The following SHROOM3 variants were observed in gnomAD, a reference collection of about 807,000 sequenced individuals.
SHROOM3 encodes shroom family member 3.
A neutral mutation model predicts 138.6 loss-of-function variants in SHROOM3; 47 were observed. That is an observed-to-expected ratio of 0.34 (90% CI 0.27 to 0.43). SHROOM3 has a LOEUF of 0.43. Among genes scored for constraint, SHROOM3 ranks in the 20% least tolerant of loss-of-function variants. The probability of loss-of-function intolerance (pLI) is 1.00; values close to 1 mark genes in which losing one functional copy is unlikely to be tolerated. For missense variants in SHROOM3, 2,491 were observed against 2,596.5 expected (o/e 0.96, Z 0.88); for synonymous variants, 1,062 against 1,063.3 (o/e 1.00, Z 0.02).
intron 2 of SHROOM3, among the ~76,000 whole-genome samples, chr4:76,638,220 G>T (rs1440279040): frequency 6.6e-6 from 1 of 152,162 alleles, no homozygotes; most frequent in African/African-American, 2.4e-5. Flanking sequence ...ATGTTAGATG[G>T]TTGGTTGATT....
chr4:76,584,868 T>A (rs1734120857), intron 2 of SHROOM3, among the ~76,000 whole-genome samples: 1 of 152,046 alleles, frequency 6.6e-6, no homozygotes, highest in Non-Finnish European at 1.5e-5. Flanking sequence ...GGAGGCTACT[T>A]TTGAACGAAT....
intron 2 of SHROOM3, among the ~76,000 whole-genome samples, chr4:76,631,045 T>C (rs1025148383): frequency 1.3e-5 from 2 of 152,118 alleles, no homozygotes; most frequent in African/African-American, 4.8e-5. Context: ...TTTACAGTCT[T>C]ATAGGGGTAT....
intron 1 of SHROOM3, among the ~76,000 whole-genome samples, chr4:76,440,208 C>T (rs145846509): frequency 6.6e-6 from 1 of 152,202 alleles, no homozygotes; most frequent in East Asian, 1.9e-4. Flanking sequence ...CGTGTTCACC[C>T]ATTTAATTTC....
intron 1 of SHROOM3, among the ~76,000 whole-genome samples, chr4:76,525,635 T>A (rs1052299085): frequency 6.6e-6 from 1 of 152,204 alleles, no homozygotes; most frequent in African/African-American, 2.4e-5. Context: ...TGTCTCCTCA[T>A]GTTTTTGCCC....
chr4:76,663,715 T>C (rs977147627), intron 2 of SHROOM3, among the ~76,000 whole-genome samples: 1 of 152,232 alleles, frequency 6.6e-6, no homozygotes, highest in African/African-American at 2.4e-5. Context: ...ATTGGATTAA[T>C]TTCCAATATT....
intron 2 of SHROOM3, chr4:76,586,209 G>A (rs1734149380): frequency 4.1e-6 from 4 of 979,952 alleles, no homozygotes; most frequent in African/African-American, 1.8e-5. Context: ...CATTCAAACT[G>A]CCTTTTGTGT....
chr4:76,724,007 G>A (rs1310789292), intron 3 of SHROOM3, among the ~76,000 whole-genome samples: 1 of 152,220 alleles, frequency 6.6e-6, no homozygotes, highest in East Asian at 1.9e-4. Context: ...TAGGTGATTA[G>A]TGAATACTGC....
At chr4:76,706,940 A>G (rs1211862584) in intron 2 of SHROOM3, among the ~76,000 whole-genome samples, 1 of 152,202 alleles carries the variant, frequency 6.6e-6, no homozygotes, top group Non-Finnish European at 1.5e-5. Context: ...GTCGAAATTG[A>G]AACCTGAAGG....
intron 2 of SHROOM3, among the ~76,000 whole-genome samples, chr4:76,654,547 T>C (rs1466263402): frequency 6.6e-6 from 1 of 152,084 alleles, no homozygotes; most frequent in African/African-American, 2.4e-5. Flanking sequence ...CAGGCTGCCA[T>C]GCAGAAAATG....
In SHROOM3 at chr4:76,782,314, G is replaced by C. The variant is rs1233939638; in HGVS notation, c.*3137G>C. 2.0e-5 allele frequency: 3 copies of C among 152,186 alleles called. No homozygotes were observed. Among genetic ancestry groups the C allele is most frequent in the Non-Finnish European group, 4.4e-5 (3 of 68,034 alleles). The allele number at this position is 152,186 out of a possible 1,614,324, so 9.4% of individuals were successfully genotyped here. On this transcript the variant is annotated 3_prime_UTR_variant, in exon 11 of 11. Coordinates refer to ENST00000296043, the MANE Select transcript of SHROOM3 (RefSeq NM_020859.4). ...GGTTTCCAGACTAGAAGATTAACAAGTTTGGGTCCACCCCTAAGAATCAGT... is the reference window on the plus strand; with the variant it reads ...GGTTTCCAGACTAGAAGATTAACAACTTTGGGTCCACCCCTAAGAATCAGT...
intron 2 of SHROOM3, among the ~76,000 whole-genome samples, chr4:76,629,928 G>A (rs1423219958): frequency 1.3e-5 from 2 of 152,304 alleles, no homozygotes; most frequent in East Asian, 3.9e-4. Context: ...GAATTTTGGA[G>A]TCTTCAGCCT....
chr4:76,768,443 A>T (rs1722234165), intron 9 of SHROOM3, among the ~76,000 whole-genome samples: 1 of 152,194 alleles, frequency 6.6e-6, no homozygotes, highest in South Asian at 2.1e-4. Flanking sequence ...AGAAAACTTA[A>T]ATAATTAATA....
chr4:76,719,960 T>G (rs374060845), intron 3 of SHROOM3, among the ~76,000 whole-genome samples: 6 of 152,164 alleles, frequency 3.9e-5, no homozygotes, highest in African/African-American at 1.2e-4. Context: ...GCTTCAGCTG[T>G]CAAAACCAAA....
chr4:76,611,088 A>T (rs1734751287), intron 2 of SHROOM3, among the ~76,000 whole-genome samples: 4 of 152,188 alleles, frequency 2.6e-5, no homozygotes, highest in Admixed American at 2.6e-4. Flanking sequence ...TAAATTGACC[A>T]TTTTAACCAT....
At chr4:76,774,384 G>A (rs1029750166) in intron 10 of SHROOM3, among the ~76,000 whole-genome samples, 1 of 152,088 alleles carries the variant, frequency 6.6e-6, no homozygotes, top group Non-Finnish European at 1.5e-5. Flanking sequence ...AAAACTATAA[G>A]TAGAAATGAG....
intron 1 of SHROOM3, among the ~76,000 whole-genome samples, chr4:76,521,035 G>T (rs1732553707): frequency 6.6e-6 from 1 of 152,192 alleles, no homozygotes; most frequent in Non-Finnish European, 1.5e-5. Flanking sequence ...GCTTTCCGTG[G>T]CTGCTGCTAA....
intron 2 of SHROOM3, among the ~76,000 whole-genome samples, chr4:76,570,611 T>A (rs1733816417): frequency 6.6e-6 from 1 of 152,214 alleles, no homozygotes; most frequent in Non-Finnish European, 1.5e-5. Flanking sequence ...AGACTCACCG[T>A]GTTTTCTTTC....
intron 1 of SHROOM3, among the ~76,000 whole-genome samples, chr4:76,496,515 A>G (rs1341923306): frequency 1.3e-5 from 2 of 152,200 alleles, no homozygotes; most frequent in Non-Finnish European, 2.9e-5. Context: ...TTCTGTTTTC[A>G]TGCTGACATA....
At chr4:76,527,446 A>G (rs112046802) in intron 1 of SHROOM3, among the ~76,000 whole-genome samples, 6,386 of 152,144 alleles carry the variant, frequency 0.042, 476 homozygotes, top group African/African-American at 0.14. Flanking sequence ...AGTTTGGCAT[A>G]GTGGCGCATG....
Sources: gnomAD v4.1 joint callset for allele counts (sites outside exome capture counted in the v4.1 genomes callset) on GRCh38, gnomAD v4.1.1 for gene constraint, MANE v1.5 for transcripts, NCBI Gene and HGNC (gene_info 2026-07-23, HGNC 2026-07-21) for gene names.